The following TSBP1 variants were observed in gnomAD, a reference collection of about 807,000 sequenced individuals.
TSBP1 encodes the protein testis expressed basic protein 1.
TSBP1 carries 56 observed loss-of-function variants against 68.8 expected under a neutral mutation model. That is an observed-to-expected ratio of 0.81 (90% CI 0.66 to 1.02). The LOEUF (loss-of-function observed/expected upper bound fraction) is 1.02. Among genes scored for constraint, TSBP1 ranks in the 50% least tolerant of loss-of-function variants. TSBP1 has a pLI of 0.00. For missense variants in TSBP1, 502 were observed against 641.2 expected, an observed-to-expected ratio of 0.78 and a Z score of 2.34; for synonymous variants, 171 against 208.7, an observed-to-expected ratio of 0.82 and a Z score of 1.56.
intron 6 of TSBP1, 26 bp from the exon 7 acceptor site, chr6:32,355,695 A>G: frequency 6.3e-7 from 1 of 1,580,728 alleles, no homozygotes; most frequent in Non-Finnish European, 8.6e-7. Flanking sequence ...AAAGAAAGAA[A>G]AATCAATTTG....
intron 1 of TSBP1, 69 bp from the exon 2 acceptor site, chr6:32,370,052 C>T: frequency 1.1e-6 from 1 of 944,024 alleles, no homozygotes; most frequent in Non-Finnish European, 1.7e-6. Flanking sequence ...AACTTCTGAT[C>T]ACCTCTTACT....
At chr6:32,329,994 T>C (rs1380939070) in intron 16 of TSBP1, among the ~76,000 whole-genome samples, 3 of 151,322 alleles carry the variant, frequency 2.0e-5, no homozygotes, top group Non-Finnish European at 4.4e-5. Context: ...TTCCATGAGG[T>C]GCTCTGTCCT....
intron 18 of TSBP1, among the ~76,000 whole-genome samples, chr6:32,318,328 G>C (rs1767194548): frequency 6.6e-6 from 1 of 152,100 alleles, no homozygotes. Flanking sequence ...TAGACAGTCA[G>C]GAAAAATAAC....
intron 1 of TSBP1, among the ~76,000 whole-genome samples, chr6:32,370,349 T>C (rs1425683540): frequency 6.7e-6 from 1 of 150,084 alleles, no homozygotes; most frequent in African/African-American, 2.4e-5. Flanking sequence ...GGGAAAATAT[T>C]AGAACTTCTA....
intron 9 of TSBP1, among the ~76,000 whole-genome samples, chr6:32,344,119 A>G (rs946020027): frequency 2.0e-5 from 3 of 151,586 alleles, no homozygotes; most frequent in Middle Eastern, 6.8e-3. Flanking sequence ...TTTTATTATT[A>G]TTGTACTTTA....
rs34176304 is a variant in TSBP1 at position 32,361,646 on chromosome 6, CAT to C, written c.217+4519_217+4520del. 0.017 allele frequency among the ~76,000 whole-genome samples: 2,635 copies of C among 152,108 alleles called. 39 individuals are homozygous for C. Among genetic ancestry groups the C allele is most frequent in the Non-Finnish European group, 0.024 (1,602 of 67,996 alleles). The stretch of plus-strand genomic sequence containing the variant: ...TGGCCAGTGATGATGAGTATTTTTT[CAT>C]ATGTCTGTTGGCTGCGTAAATGTCT... On this transcript the variant is annotated intron_variant, in intron 6 of 22. Coordinates refer to ENST00000612031, the Ensembl canonical transcript of TSBP1. This position sits in a 1 kb window ranked among gnomAD's most constrained non-coding sequence, Gnocchi z 4.3.
At chr6:32,352,007 T>A (rs754754861) in intron 8 of TSBP1, among the ~76,000 whole-genome samples, 3 of 152,080 alleles carry the variant, frequency 2.0e-5, no homozygotes, top group Non-Finnish European at 4.4e-5. Context: ...TGTTCAATTC[T>A]ATACCTAGCT....
chr6:32,331,910 A>G, intron 15 of TSBP1, 124 bp downstream of exon 16: 1 of 761,346 alleles, frequency 1.3e-6, no homozygotes, highest in Non-Finnish European at 2.3e-6. Context: ...GATATGGGGA[A>G]ATGAAAGTCT....
chr6:32,324,693 A>C (rs1768023412), intron 16 of TSBP1: 4 of 1,550,742 alleles, frequency 2.6e-6, no homozygotes, highest in Non-Finnish European at 3.5e-6. Context: ...AAAAACAAGC[A>C]AAGATACTTT....
In TSBP1 at chr6:32,316,386, ATACT is replaced by A; in HGVS notation, c.560-598_560-595del. The A allele has an allele frequency of 6.4e-7, 1 of 1,569,932 alleles. No homozygotes were observed. Among genetic ancestry groups the A allele is most frequent in the Non-Finnish European group, 8.7e-7 (1 of 1,155,370 alleles). On this transcript the variant is annotated intron_variant, in intron 18 of 22. Coordinates refer to ENST00000612031, the Ensembl canonical transcript of TSBP1. The surrounding 1 kb of genome is among the most constrained non-coding windows in gnomAD (Gnocchi z 4.5). The stretch of plus-strand genomic sequence containing the variant: ...GAACCAAAGTAGAAAAAGACATGTA[ATACT>A]TACTTATAGGTGCTGCCAGCTGACC...
At chr6:32,368,020 A>C in intron 3 of TSBP1, 63 bp from the exon 4 acceptor site, 4 of 1,280,506 alleles carry the variant, frequency 3.1e-6, no homozygotes, top group Non-Finnish European at 4.5e-6. Flanking sequence ...TTTATTTAAG[A>C]CTCTGAGAAC....
In TSBP1 at chr6:32,323,582, T is replaced by A. The variant is rs4348357; in HGVS notation, c.538+9A>T. The stretch of plus-strand genomic sequence containing the variant: ...AACAGAAAAGAGTAGAAAAAGAAAT[T>A]GAACTTACCGCGGGGTGCTGAAGGT... On this transcript the variant is annotated intron_variant, in intron 17 of 22. Coordinates refer to ENST00000612031, the Ensembl canonical transcript of TSBP1. 6 of 1,610,976 alleles carry A rather than the reference T, an allele frequency of 3.7e-6. No individual in the cohort carries two copies. The highest frequency in any genetic ancestry group is 5.1e-6 in the Non-Finnish European group (6 of 1,178,662).
exon 23 of TSBP1, chr6:32,293,809 T>C (rs1764419039): frequency 6.2e-7 from 1 of 1,612,992 alleles, no homozygotes. Context: ...CCTCCATTCC[T>C]ATTTTGTCTT....
chr6:32,369,465 G>C (rs968982427), intron 2 of TSBP1, among the ~76,000 whole-genome samples: 1 of 147,880 alleles, frequency 6.8e-6, no homozygotes, highest in African/African-American at 2.5e-5. Flanking sequence ...CCGTCTCCTG[G>C]GTTCAAACAA....
intron 9 of TSBP1, among the ~76,000 whole-genome samples, chr6:32,348,605 G>A (rs1408326530): frequency 6.8e-6 from 1 of 147,378 alleles, no homozygotes; most frequent in African/African-American, 2.5e-5. Context: ...TGGATTGGAA[G>A]AGTAAACACA....
intron 19 of TSBP1, among the ~76,000 whole-genome samples, chr6:32,309,005 G>C (rs1284781629): frequency 1.4e-5 from 2 of 143,646 alleles, no homozygotes; most frequent in Admixed American, 1.5e-4. Flanking sequence ...GCTGGAGTGC[G>C]GTGGCATGAT....
chr6:32,358,563 G>C (rs9268306), intron 6 of TSBP1, among the ~76,000 whole-genome samples: 1 of 151,312 alleles, frequency 6.6e-6, no homozygotes. Context: ...ATCCCTCCCC[G>C]CTCCCCTCAC....
intron 14 of TSBP1, chr6:32,334,138 C>A (rs548120332): frequency 4.2e-4 from 65 of 155,896 alleles, no homozygotes; most frequent in Admixed American, 1.5e-3. Flanking sequence ...TTTCCGGTTT[C>A]AATTTGTGAC....
At chr6:32,307,095 A>T in intron 19 of TSBP1, among the ~76,000 whole-genome samples, 1 of 152,086 alleles carries the variant, frequency 6.6e-6, no homozygotes, top group South Asian at 2.1e-4. Context: ...GGACATTTTT[A>T]TTATTGTGTC....
Sources: gnomAD v4.1 joint callset for allele counts (sites outside exome capture counted in the v4.1 genomes callset) on GRCh38, gnomAD v4.1.1 for gene constraint, Gnocchi (gnomAD v3.1) non-coding constraint, MANE v1.5 for transcripts, NCBI Gene and HGNC (gene_info 2026-07-23, HGNC 2026-07-21) for gene names.